The following POLE2 variants were observed in gnomAD, a reference collection of about 807,000 sequenced individuals.
POLE2 encodes DNA polymerase epsilon 2, accessory subunit, also known as DNA polymerase epsilon subunit 2.
POLE2 carries 56 observed loss-of-function variants against 79.4 expected under a neutral mutation model. The observed-to-expected ratio is 0.71, with a 90% CI of 0.57 to 0.88. POLE2 has a LOEUF of 0.88. POLE2 is among the 40% of genes least tolerant of loss of function. The pLI, the probability that POLE2 is intolerant of heterozygous loss-of-function variation, is 0.00. For missense variants in POLE2, 598 were observed against 638.9 expected (o/e 0.94, Z 0.69); for synonymous variants, 212 against 214.0 (o/e 0.99, Z 0.08).
At chr14:49,648,035 C>A (rs1004392831) in intron 17 of POLE2, among the ~76,000 whole-genome samples, 2 of 152,212 alleles carry the variant, frequency 1.3e-5, no homozygotes, top group African/African-American at 4.8e-5. Flanking sequence ...AGACAATCAG[C>A]AAGTTCAAGA....
At chr14:49,660,062 CATG>C (rs1884990975) in intron 10 of POLE2, among the ~76,000 whole-genome samples, 1 of 152,204 alleles carries the variant, frequency 6.6e-6, no homozygotes, top group Non-Finnish European at 1.5e-5. Context: ...AAGTTCCATT[CATG>C]ATAAGTGTTC....
intron 15 of POLE2, 150 bp from the exon 16 acceptor site, chr14:49,651,527 T>C (rs1008906282): frequency 1.2e-5 from 6 of 495,286 alleles, no homozygotes; most frequent in African/African-American, 1.2e-4. Flanking sequence ...TCTATTCATT[T>C]AACAGCTATG....
At position 49,664,644 on chromosome 14, in the gene POLE2, A is replaced by T; in HGVS notation, c.664T>A (p.Cys222Ser). Residue 222 changes from cysteine to serine, a missense_variant, in exon 9 of 19, where the codon TGC becomes AGC. By Grantham distance (112) the Cys-to-Ser change is moderately radical. Coordinates refer to ENST00000216367, the MANE Select transcript of POLE2 (RefSeq NM_002692.4). The stretch of plus-strand genomic sequence containing the variant: ...GACTTACCTTCTGCTAAGACAAAGC[A>T]TGCCTCTGTGTATAAACCACTATGG... ...QFHSGLYTEA[C>S]FVLAEGWFED... 1 of 1,596,158 alleles carries T rather than the reference A, an allele frequency of 6.3e-7. No homozygotes were observed. The highest frequency in any genetic ancestry group is 8.6e-7 in the Non-Finnish European group (1 of 1,163,798).
Position 49,654,035 on chromosome 14 carries a change from A to G in POLE2, c.1166T>C (p.Phe389Ser). 1.9e-6 allele frequency: 3 copies of G among 1,600,392 alleles called. No homozygotes were observed. Among genetic ancestry groups the G allele is most frequent in the Non-Finnish European group, 2.6e-6 (3 of 1,168,006 alleles). ...AACTGAAAATGGTACCCTTTGTCTG[A>G]ATTCATTAGTGATGCTTTCAGCAAG... The part of the protein sequence containing the change: ...PPLAESITNE[F>S]RQRVPFSVFT... The change falls in exon 15 of 19, where the codon TTC becomes TCC. Residue 389 changes from phenylalanine to serine, a missense_variant. By Grantham distance (155) the Phe-to-Ser change is radical. Transcript: ENST00000216367.
intron 3 of POLE2, among the ~76,000 whole-genome samples, chr14:49,676,564 G>T (rs1886290562): frequency 6.6e-6 from 1 of 152,200 alleles, no homozygotes; most frequent in South Asian, 2.1e-4. Flanking sequence ...GTCCCCACTG[G>T]ACCTCCATGT....
chr14:49,655,609 A>G (rs1343098136), intron 11 of POLE2, 62 bp downstream of exon 11: 3 of 1,144,946 alleles, frequency 2.6e-6, no homozygotes, highest in Non-Finnish European at 3.8e-6. Context: ...AGAATACTCA[A>G]AAAGTTTTAA....
chr14:49,669,317 TCAAA>T (rs1183701956), intron 6 of POLE2, among the ~76,000 whole-genome samples: 3 of 152,172 alleles, frequency 2.0e-5, no homozygotes, highest in Non-Finnish European at 4.4e-5. Flanking sequence ...CAGGGCCTTC[TCAAA>T]GGAAGCAGTA....
At chr14:49,646,091 G>C (rs759046251) in intron 18 of POLE2, among the ~76,000 whole-genome samples, 8 of 152,144 alleles carry the variant, frequency 5.3e-5, no homozygotes, top group Non-Finnish European at 8.8e-5. Context: ...GCGTAGACAA[G>C]TGGGCTGGAA....
intron 11 of POLE2, among the ~76,000 whole-genome samples, chr14:49,655,297 G>C (rs1366939241): frequency 6.6e-6 from 1 of 152,030 alleles, no homozygotes; most frequent in Non-Finnish European, 1.5e-5. Context: ...TTACTCCTCA[G>C]AACATCCATA....
chr14:49,687,892 G>A (rs1009061248), intron 1 of POLE2, among the ~76,000 whole-genome samples: 1 of 152,106 alleles, frequency 6.6e-6, no homozygotes, highest in Non-Finnish European at 1.5e-5. Flanking sequence ...TAGAGACGGG[G>A]CTTCACCATG....
intron 1 of POLE2, among the ~76,000 whole-genome samples, chr14:49,684,979 A>T (rs1181199470): frequency 6.6e-6 from 1 of 152,206 alleles, no homozygotes; most frequent in Non-Finnish European, 1.5e-5. Context: ...CATCTCAAAA[A>T]AAATAAATAA....
At position 49,650,386 on chromosome 14, in the gene POLE2, C is replaced by A; in HGVS notation, c.1376G>T (p.Cys459Phe). The A allele has an allele frequency of 6.3e-7, 1 of 1,594,736 alleles. No individual in the cohort carries two copies. Among genetic ancestry groups the A allele is most frequent in the South Asian group, 1.1e-5 (1 of 88,716 alleles). ...ATAGTCATATGCCCAATACACTGGG[C>A]AGACATAAAGAGGTAGGGGAGTCAG... ...GHLTPLPLYV[C>F]PVYWAYDYAL... is the part of the protein sequence containing the mutation. Residue 459 changes from cysteine to phenylalanine, a missense_variant, in exon 17 of 19, where the codon TGC (cysteine) becomes TTC (phenylalanine). Transcript: ENST00000216367.
At chr14:49,675,136 G>T (rs1886179055) in intron 3 of POLE2, among the ~76,000 whole-genome samples, 1 of 151,044 alleles carries the variant, frequency 6.6e-6, no homozygotes, top group South Asian at 2.1e-4. Context: ...CCAGGCTGGA[G>T]TGCAATGGCT....
chr14:49,686,973 T>C (rs1264774093), intron 1 of POLE2, among the ~76,000 whole-genome samples: 2 of 152,102 alleles, frequency 1.3e-5, no homozygotes, highest in African/African-American at 4.8e-5. Context: ...CCAGCAGGTA[T>C]TTCAATATGT....
intron 14 of POLE2, 22 bp from the exon 15 acceptor site, chr14:49,654,089 T>C: frequency 1.3e-6 from 2 of 1,583,814 alleles, no homozygotes; most frequent in Middle Eastern, 1.7e-4. Context: ...ATTTATGTGA[T>C]ATAGTTTATC....
At chr14:49,673,009 T>C (rs1212478421) in intron 5 of POLE2, among the ~76,000 whole-genome samples, 1 of 152,112 alleles carries the variant, frequency 6.6e-6, no homozygotes, top group Non-Finnish European at 1.5e-5. Flanking sequence ...CATTCTCTTT[T>C]TCCTGTTTAA....
chr14:49,643,950 G>C (rs1047441778), intron 18 of POLE2, among the ~76,000 whole-genome samples: 2 of 140,124 alleles, frequency 1.4e-5, no homozygotes, highest in Non-Finnish European at 3.0e-5. Context: ...CGTAATCTCG[G>C]TTCACCGCAA....
intron 17 of POLE2, among the ~76,000 whole-genome samples, chr14:49,647,834 ATAAAG>A (rs2139602804): frequency 6.6e-6 from 1 of 152,360 alleles, no homozygotes; most frequent in Non-Finnish European, 1.5e-5. Context: ...AGATGTGACT[ATAAAG>A]TAACACAACA....
chr14:49,647,171 T>A (rs1191975274), intron 18 of POLE2, 122 bp downstream of exon 18: 2 of 604,504 alleles, frequency 3.3e-6, no homozygotes, highest in Non-Finnish European at 5.9e-6. Flanking sequence ...CAGCCAATAA[T>A]ATTTCTTTAT....
Sources: allele counts gnomAD v4.1 joint callset (sites outside exome capture counted in the v4.1 genomes callset), GRCh38; gene constraint gnomAD v4.1.1; transcripts MANE v1.5; gene names NCBI Gene and HGNC (gene_info 2026-07-23, HGNC 2026-07-21).